ZNF860: variants seen among roughly 807,000 people sequenced by gnomAD.
ZNF860 encodes the protein zinc finger protein 860.
For missense variants in ZNF860, 641 were observed against 759.2 expected, an observed-to-expected ratio of 0.84 and a Z score of 1.83; for synonymous variants, 206 against 248.9, an observed-to-expected ratio of 0.83 and a Z score of 1.62.
At chr3:31,997,351 G>T in the ZNF860 span, among the ~76,000 whole-genome samples, 2 of 150,938 alleles carry the variant, frequency 1.3e-5, no homozygotes, top group Admixed American at 6.6e-5. Flanking sequence ...TGCAACCTCC[G>T]CCTCCTGGGT....
chr3:31,998,305 T>G, the ZNF860 span, among the ~76,000 whole-genome samples: 1 of 152,116 alleles, frequency 6.6e-6, no homozygotes, highest in Non-Finnish European at 1.5e-5. Flanking sequence ...CAAAGTATAC[T>G]CCCCATCAGC....
the ZNF860 span, among the ~76,000 whole-genome samples, chr3:31,999,358 T>C: frequency 8.5e-6 from 1 of 117,556 alleles, no homozygotes. Context: ...AATATCAAAA[T>C]CTTTTTTTTT....
At position 31,989,142 on chromosome 3, in the gene ZNF860, G is replaced by A. The variant is rs759611820; in HGVS notation, c.63G>A (p.Gln21=). 31 of 1,614,190 alleles carry A rather than the reference G, an allele frequency of 1.9e-5. No homozygotes were observed. Among genetic ancestry groups the A allele is most frequent in the Non-Finnish European group, 2.6e-5 (31 of 1,180,038 alleles). Residue 21 remains glutamine, a synonymous_variant, in exon 2 of 2, where the codon CAG becomes CAA. Coordinates refer to ENST00000360311, the MANE Select transcript of ZNF860 (RefSeq NM_001137674.3). ...KEKEPGMALP[Q]GHLTFRDVAI... is the part of the protein sequence containing the mutation. ...AGGAGCCAGGCATGGCTCTTCCTCAGGGACACTTGACTTTTAGGGATGTGG... is the reference window on the plus strand; with the variant it reads ...AGGAGCCAGGCATGGCTCTTCCTCAAGGACACTTGACTTTTAGGGATGTGG...
the ZNF860 span, among the ~76,000 whole-genome samples, chr3:32,005,797 C>T: frequency 6.6e-5 from 10 of 152,056 alleles, no homozygotes; most frequent in South Asian, 1.5e-3. Flanking sequence ...CCGTGTTAGC[C>T]GCATGGTCTC....
downstream of ZNF860, among the ~76,000 whole-genome samples, chr3:31,992,448 T>C (rs1253781158): frequency 6.6e-6 from 1 of 152,210 alleles, no homozygotes; most frequent in Non-Finnish European, 1.5e-5. Flanking sequence ...TAGAGCCATG[T>C]TGATTCTGGA....
At chr3:31,987,057 T>G (rs1698943894) in intron 1 of ZNF860, among the ~76,000 whole-genome samples, 1 of 152,114 alleles carries the variant, frequency 6.6e-6, no homozygotes, top group Non-Finnish European at 1.5e-5. Flanking sequence ...TAATAATTTA[T>G]AAATATATAT....
At chr3:31,987,861 A>G (rs1698957804) in intron 1 of ZNF860, among the ~76,000 whole-genome samples, 1 of 152,272 alleles carries the variant, frequency 6.6e-6, no homozygotes, top group African/African-American at 2.4e-5. Context: ...ATCAGAAACC[A>G]AAATGTGAAA....
chr3:31,993,681 T>TACACACACACAC (rs139678560), downstream of ZNF860, among the ~76,000 whole-genome samples: 3 of 147,216 alleles, frequency 2.0e-5, no homozygotes, highest in African/African-American at 5.0e-5. Flanking sequence ...TACACACACA[T>TACACACACACAC]ACACACACAC....
At chr3:32,003,485 A>G in the ZNF860 span, among the ~76,000 whole-genome samples, 63,558 of 152,022 alleles carry the variant, frequency 0.42, 16,827 homozygotes, top group African/African-American at 0.74. Context: ...GAACCAGGCT[A>G]GCCTTTAACC....
In ZNF860 at chr3:31,988,902, C is replaced by T; in HGVS notation, c.-178C>T. Reference sequence around the variant, plus strand: ...CCAGAGAGACACTGAGCCAGGAACACCCAGCTGAAGTGCCTCCAAACCCCG... The same window carrying T: ...CCAGAGAGACACTGAGCCAGGAACATCCAGCTGAAGTGCCTCCAAACCCCG... On this transcript the variant is annotated 5_prime_UTR_variant, in exon 2 of 2. Coordinates refer to ENST00000360311, the MANE Select transcript of ZNF860 (RefSeq NM_001137674.3). 1 of 738,464 alleles carries T rather than the reference C, an allele frequency of 1.4e-6. No individual in the cohort carries two copies. 45.7% of individuals were successfully genotyped at this position (738,464 alleles called of 1,614,324 possible).
chr3:31,995,978 C>T (rs543275271), downstream of ZNF860, among the ~76,000 whole-genome samples: 3 of 152,224 alleles, frequency 2.0e-5, 1 homozygote, highest in South Asian at 4.2e-4. Flanking sequence ...GAGGATGAAT[C>T]CAATCTCAGC....
chr3:32,003,675 T>C, the ZNF860 span, among the ~76,000 whole-genome samples: 2 of 152,110 alleles, frequency 1.3e-5, no homozygotes, highest in South Asian at 4.2e-4. Context: ...CCGAAACCAA[T>C]CAGGAACAAA....
rs143052719 is a variant in ZNF860 at position 31,983,887 on chromosome 3, T to G, written c.-421+1985T>G. ...TACTGTAATGCCCAACAGTTTCATCTTGCTTGTTACCCGGAAAAGCCAATG... is the reference window on the plus strand; with the variant it reads ...TACTGTAATGCCCAACAGTTTCATCGTGCTTGTTACCCGGAAAAGCCAATG... On this transcript the variant is annotated intron_variant, in intron 1 of 1. Coordinates refer to ENST00000360311, the MANE Select transcript of ZNF860 (RefSeq NM_001137674.3). Among the ~76,000 whole-genome samples, 20 of 152,338 alleles carry G rather than the reference T, an allele frequency of 1.3e-4. No individual in the cohort carries two copies. In the East Asian group the frequency reaches 3.9e-3, roughly 29 times the overall value.
chr3:31,997,799 T>A, the ZNF860 span, among the ~76,000 whole-genome samples: 2 of 152,028 alleles, frequency 1.3e-5, no homozygotes, highest in Non-Finnish European at 2.9e-5. Flanking sequence ...TTTTTGTTTC[T>A]GAGACAGGGT....
intron 1 of ZNF860, among the ~76,000 whole-genome samples, chr3:31,985,248 T>C (rs941745827): frequency 2.0e-5 from 3 of 152,130 alleles, no homozygotes; most frequent in African/African-American, 7.2e-5. Context: ...CAAAAAATGT[T>C]TTAAAAATAC....
Position 31,988,865 on chromosome 3 carries a change from C to T in ZNF860, c.-215C>T. On this transcript the variant is annotated 5_prime_UTR_variant, in exon 2 of 2. Coordinates refer to ENST00000360311, the MANE Select transcript of ZNF860 (RefSeq NM_001137674.3). ...AGATGACTGCAGCCATGACCCACAGCTTGACTACAACCCAGAGAGACACTG... is the reference window on the plus strand; with the variant it reads ...AGATGACTGCAGCCATGACCCACAGTTTGACTACAACCCAGAGAGACACTG... 3.2e-6 allele frequency: 2 copies of T among 617,616 alleles called. No homozygotes were observed. Among genetic ancestry groups the T allele is most frequent in the Non-Finnish European group, 5.6e-6 (2 of 357,772 alleles). 38.3% of individuals were successfully genotyped at this position (617,616 alleles called of 1,614,324 possible). A position where few individuals can be genotyped will look rare whatever the true frequency, so the allele number is the denominator to read the frequency against.
In ZNF860 at chr3:31,989,060, C is replaced by T; in HGVS notation, c.-20C>T. The T allele has an allele frequency of 6.2e-7, 1 of 1,613,680 alleles. No individual in the cohort carries two copies. On this transcript the variant is annotated 5_prime_UTR_variant, in exon 2 of 2. Coordinates refer to ENST00000360311, the MANE Select transcript of ZNF860 (RefSeq NM_001137674.3). ...CCTCAGTGAAGGTCACACTGCAGCA[C>T]TATTGATTTCTAAAGACTCATGTTA...
rs1559544466 is a variant in ZNF860 at position 31,990,328 on chromosome 3, T to C, written c.1249T>C (p.Trp417Arg). 1 of 1,614,068 alleles carries C rather than the reference T, an allele frequency of 6.2e-7. No individual in the cohort carries two copies. The highest frequency in any genetic ancestry group is 8.5e-7 in the Non-Finnish European group (1 of 1,179,998). Residue 417 changes from tryptophan (W) to arginine (R), a missense_variant, in exon 2 of 2, where the codon TGG becomes CGG. Transcript: ENST00000360311. ...TAATGCTACAACCATTGCAAATCAT[T>C]GGAGAATCCATAATGAAGAGAGATC... ...FSNATTIANHWRIHNEERSYK... is the reference protein window; with the variant it reads ...FSNATTIANHRRIHNEERSYK...
At chr3:31,994,951 G>A (rs376909469), downstream of ZNF860, among the ~76,000 whole-genome samples, 1 of 152,234 alleles carries the variant, frequency 6.6e-6, no homozygotes, top group Middle Eastern at 3.4e-3. Flanking sequence ...ATATTGGTAG[G>A]ACCATGATGC....
Sources: gnomAD v4.1 joint callset for allele counts (sites outside exome capture counted in the v4.1 genomes callset) on GRCh38, gnomAD v4.1.1 for gene constraint, MANE v1.5 for transcripts, NCBI Gene and HGNC (gene_info 2026-07-23, HGNC 2026-07-21) for gene names.